KLF8: variants seen among roughly 807,000 people sequenced by gnomAD.
The protein encoded by KLF8 is KLF transcription factor 8.
KLF8 carries 10 observed loss-of-function variants against 18.2 expected under a neutral mutation model. The observed-to-expected ratio is 0.55, with a 90% confidence interval of 0.34 to 0.93. KLF8 has a LOEUF of 0.93. KLF8 is among the 40% of genes least tolerant of loss of function. The pLI is 0.02. For missense variants in KLF8, 264 were observed against 277.9 expected (o/e 0.95, Z 0.36); for synonymous variants, 109 against 97.3 (o/e 1.12, Z -0.71).
At chrX:56,117,448 CATAGAATAT>C in the KLF8 span, among the ~76,000 whole-genome samples, 3 of 111,054 alleles carry the variant, frequency 2.7e-5, no homozygotes, top group African/African-American at 9.8e-5. Flanking sequence ...ATCCTGTCCT[CATAGAATAT>C]ATAGTCTACC....
At chrX:56,183,997 C>A in the KLF8 span, among the ~76,000 whole-genome samples, 1 of 111,253 alleles carries the variant, frequency 9.0e-6, no homozygotes, top group Non-Finnish European at 1.9e-5. Flanking sequence ...GATCATCTCA[C>A]TAGGGAGTGC....
At chrX:56,189,054 A>G in the KLF8 span, among the ~76,000 whole-genome samples, 2 of 111,929 alleles carry the variant, frequency 1.8e-5, no homozygotes, top group Non-Finnish European at 3.8e-5. Context: ...TCTGCACAGC[A>G]AAAGAAACTA....
At chrX:55,948,750 T>A in the KLF8 span, among the ~76,000 whole-genome samples, 1 of 111,167 alleles carries the variant, frequency 9.0e-6, no homozygotes, top group Non-Finnish European at 1.9e-5. Context: ...GTGTAGTGGT[T>A]ATAAGATCAG....
chrX:56,055,005 C>T, the KLF8 span, among the ~76,000 whole-genome samples: 1 of 111,575 alleles, frequency 9.0e-6, no homozygotes, highest in South Asian at 3.7e-4. Context: ...AGACAGCTTG[C>T]CAATGGGTCT....
At chrX:56,023,123 G>C in the KLF8 span, among the ~76,000 whole-genome samples, 2 of 110,785 alleles carry the variant, frequency 1.8e-5, no homozygotes, top group Non-Finnish European at 3.8e-5. Flanking sequence ...GATGGGGAGG[G>C]AATTGAGATT....
the KLF8 span, among the ~76,000 whole-genome samples, chrX:56,035,526 T>C: frequency 1.8e-4 from 20 of 111,991 alleles, no homozygotes; most frequent in African/African-American, 6.5e-4. Context: ...TACTTACAGG[T>C]TGTTGAGAAA....
At chrX:55,923,855 T>C in the KLF8 span, among the ~76,000 whole-genome samples, 1 of 110,728 alleles carries the variant, frequency 9.0e-6, no homozygotes. Context: ...CAAATACTTA[T>C]GGTCTCATCT....
At chrX:56,266,427 C>T in intron 3 of KLF8, 1 of 707,510 alleles carries the variant, frequency 1.4e-6, no homozygotes. Flanking sequence ...AAAAATAATA[C>T]TCTATCTTAA....
the KLF8 span, among the ~76,000 whole-genome samples, chrX:55,978,065 C>CTA: frequency 6.5e-5 from 7 of 108,382 alleles, no homozygotes; most frequent in East Asian, 2.9e-4. Flanking sequence ...CTCTCTCTCT[C>CTA]TATATATATA....
chrX:56,226,553 C>T, the KLF8 span, among the ~76,000 whole-genome samples: 5 of 111,942 alleles, frequency 4.5e-5, no homozygotes, highest in Non-Finnish European at 9.4e-5. Flanking sequence ...CTCTTTGAGT[C>T]CTTCCTACAC....
At chrX:56,151,390 G>A in the KLF8 span, among the ~76,000 whole-genome samples, 3 of 111,821 alleles carry the variant, frequency 2.7e-5, no homozygotes, top group African/African-American at 9.7e-5. Flanking sequence ...TGCAAGTACA[G>A]ACAAGAGTAT....
the KLF8 span, among the ~76,000 whole-genome samples, chrX:56,160,055 T>A: frequency 8.9e-5 from 10 of 111,986 alleles, no homozygotes; most frequent in Non-Finnish European, 1.9e-4. Flanking sequence ...TACACACTGC[T>A]TTGAATGTGT....
the KLF8 span, among the ~76,000 whole-genome samples, chrX:56,145,411 A>T: frequency 1.8e-5 from 2 of 112,436 alleles, no homozygotes; most frequent in Non-Finnish European, 3.8e-5. Flanking sequence ...TGGAAGTCTC[A>T]AAAAGCTACA....
the KLF8 span, among the ~76,000 whole-genome samples, chrX:55,995,794 C>T: frequency 9.0e-6 from 1 of 111,382 alleles, no homozygotes; most frequent in Non-Finnish European, 1.9e-5. Context: ...TCTCTTCTCT[C>T]TAGCTGCCTT....
the KLF8 span, among the ~76,000 whole-genome samples, chrX:55,985,557 A>T: frequency 9.0e-6 from 1 of 111,324 alleles, no homozygotes; most frequent in Non-Finnish European, 1.9e-5. Flanking sequence ...GTCAGGTAGC[A>T]TGATGCCTCC....
chrX:56,071,280 T>A, the KLF8 span, among the ~76,000 whole-genome samples: 1 of 111,986 alleles, frequency 8.9e-6, no homozygotes, highest in Admixed American at 9.5e-5. Flanking sequence ...ATTAAATTTT[T>A]ATCAGCGTAA....
At chrX:55,946,457 C>G in the KLF8 span, among the ~76,000 whole-genome samples, 1 of 111,759 alleles carries the variant, frequency 8.9e-6, no homozygotes, top group African/African-American at 3.3e-5. Context: ...AACTGGGTCC[C>G]TTCCTTACAC....
At chrX:55,956,132 TC>T in the KLF8 span, among the ~76,000 whole-genome samples, 1 of 52,025 alleles carries the variant, frequency 1.9e-5, no homozygotes, top group Non-Finnish European at 3.2e-5. Flanking sequence ...TATCTATTTA[TC>T]TATCTATCTA....
the KLF8 span, among the ~76,000 whole-genome samples, chrX:56,141,519 C>T: frequency 9.0e-6 from 1 of 111,416 alleles, no homozygotes; most frequent in South Asian, 3.7e-4. Context: ...TATGCCACCA[C>T]ATTTATCAAA....
Sources: gnomAD v4.1 joint callset for allele counts (sites outside exome capture counted in the v4.1 genomes callset) on GRCh38, gnomAD v4.1.1 for gene constraint, MANE v1.5 for transcripts, NCBI Gene and HGNC (gene_info 2026-07-23, HGNC 2026-07-21) for gene names.